Variants in ROBO2 observed in about 807,000 individuals in gnomAD.
ROBO2 encodes the protein roundabout homolog 2.
In ROBO2, 53 loss-of-function variants were observed where a neutral mutation model predicts 160.8. The observed-to-expected ratio is 0.33, with a 90% confidence interval of 0.26 to 0.41. ROBO2 has a LOEUF of 0.41. ROBO2 is among the 10% of genes least tolerant of loss of function. The pLI, the probability that ROBO2 is intolerant of heterozygous loss-of-function variation, is 1.00. For synonymous variants in ROBO2, 664 were observed against 611.7 expected, an observed-to-expected ratio of 1.09 and a Z score of -1.26; for missense variants, 1,577 against 1,722.4, an observed-to-expected ratio of 0.92 and a Z score of 1.49.
chr3:76,797,640 A>AT (rs2063805776), intron 2 of ROBO2, among the ~76,000 whole-genome samples: 1 of 151,884 alleles, frequency 6.6e-6, no homozygotes, highest in Non-Finnish European at 1.5e-5. Context: ...CAAAAAAGTG[A>AT]TTTTTGAAAA....
chr3:77,342,095 G>A (rs145240119), intron 2 of ROBO2, among the ~76,000 whole-genome samples: 7 of 152,136 alleles, frequency 4.6e-5, no homozygotes, highest in Admixed American at 2.0e-4. Context: ...CAAAGAAAAA[G>A]GCAAACATAC....
chr3:77,224,321 A>T (rs879631844), intron 2 of ROBO2, among the ~76,000 whole-genome samples: 6 of 151,938 alleles, frequency 3.9e-5, no homozygotes, highest in African/African-American at 4.8e-5. Context: ...ATGTTTGAGT[A>T]TCAGAGCTGA....
At chr3:75,917,995 C>G (rs1946881042) in intron 1 of ROBO2, among the ~76,000 whole-genome samples, 1 of 152,118 alleles carries the variant, frequency 6.6e-6, no homozygotes, top group Non-Finnish European at 1.5e-5. Context: ...CCTGTTCACT[C>G]TGGTGATAGT....
intron 2 of ROBO2, among the ~76,000 whole-genome samples, chr3:77,380,369 A>G (rs2073278458): frequency 1.3e-5 from 2 of 152,290 alleles, no homozygotes; most frequent in South Asian, 4.2e-4. Context: ...CAAGCCTATT[A>G]TCGTTCCTCT....
intron 9 of ROBO2, among the ~76,000 whole-genome samples, chr3:77,561,825 T>C (rs112599036): frequency 0.022 from 3,406 of 152,180 alleles, 129 homozygotes; most frequent in African/African-American, 0.077. Context: ...TTTTTCTGGC[T>C]GGGCACGGTG....
intron 2 of ROBO2, among the ~76,000 whole-genome samples, chr3:76,692,574 G>T (rs1201478027): frequency 6.6e-6 from 1 of 152,114 alleles, no homozygotes; most frequent in Non-Finnish European, 1.5e-5. Context: ...CTTCTGAGAT[G>T]ATCAATTGAC....
intron 2 of ROBO2, among the ~76,000 whole-genome samples, chr3:76,141,145 CTCTCTCTCTCTCTCTATATATA>C (rs1222658103): frequency 1.7e-5 from 1 of 59,262 alleles, no homozygotes; most frequent in East Asian, 7.5e-4. Flanking sequence ...CTCTCTCTCT[CTCTCTCTCTCTCTCTATATATA>C]TATATATATA....
At position 76,397,211 on chromosome 3, in the gene ROBO2, C is replaced by T. The variant is rs528846369; in HGVS notation, c.109+459609C>T. 4.0e-3 allele frequency among the ~76,000 whole-genome samples: 603 copies of T among 152,222 alleles called. 4 individuals are homozygous for T. Among genetic ancestry groups the T allele is most frequent in the African/African-American group, 0.014 (574 of 41,528 alleles). ...TGATCTTTGACAAATCTGAGGAGAA[C>T]AAGCAATGGGGAAAGGATTCCCTAT... On this transcript the variant is annotated intron_variant, in intron 2 of 26. Transcript: ENST00000487694.
intron 2 of ROBO2, among the ~76,000 whole-genome samples, chr3:76,506,549 C>G (rs991094640): frequency 6.6e-6 from 1 of 152,122 alleles, no homozygotes; most frequent in Admixed American, 6.5e-5. Flanking sequence ...TGAAGGCTTC[C>G]CCAATGCTCC....
At chr3:76,981,696 T>G (rs2149329747) in intron 2 of ROBO2, among the ~76,000 whole-genome samples, 1 of 152,196 alleles carries the variant, frequency 6.6e-6, no homozygotes, top group Non-Finnish European at 1.5e-5. Flanking sequence ...AGAAAAAAGG[T>G]TTAATTGGCT....
At chr3:76,828,111 C>A (rs2066739095) in intron 2 of ROBO2, among the ~76,000 whole-genome samples, 1 of 152,104 alleles carries the variant, frequency 6.6e-6, no homozygotes, top group South Asian at 2.1e-4. Context: ...ATATTTAAGG[C>A]AACACCCTGC....
At chr3:76,550,633 G>A (rs937220367) in intron 2 of ROBO2, among the ~76,000 whole-genome samples, 1 of 152,178 alleles carries the variant, frequency 6.6e-6, no homozygotes, top group East Asian at 1.9e-4. Flanking sequence ...AGGCATCCCT[G>A]CACTCTCAGG....
intron 2 of ROBO2, among the ~76,000 whole-genome samples, chr3:76,817,693 T>C (rs894193352): frequency 2.0e-5 from 3 of 152,078 alleles, no homozygotes; most frequent in Admixed American, 6.6e-5. Flanking sequence ...ATCATTCTTA[T>C]GCCTTTGCAT....
At chr3:76,799,893 A>G (rs1203841186) in intron 2 of ROBO2, among the ~76,000 whole-genome samples, 2 of 152,194 alleles carry the variant, frequency 1.3e-5, no homozygotes, top group Non-Finnish European at 2.9e-5. Context: ...AAAATTAGAT[A>G]AAGGACCCAG....
chr3:77,572,993 C>T (rs1244722062), intron 13 of ROBO2, among the ~76,000 whole-genome samples: 4 of 151,716 alleles, frequency 2.6e-5, no homozygotes, highest in Admixed American at 6.6e-5. Context: ...AATTAATAAC[C>T]GTCTCCATAA....
At chr3:76,256,756 G>A (rs1246159425) in intron 2 of ROBO2, among the ~76,000 whole-genome samples, 1 of 151,854 alleles carries the variant, frequency 6.6e-6, no homozygotes, top group Non-Finnish European at 1.5e-5. Flanking sequence ...CCCGAGACTG[G>A]GTAATTTATA....
At chr3:76,436,580 T>C (rs1293387944) in intron 2 of ROBO2, among the ~76,000 whole-genome samples, 2 of 152,116 alleles carry the variant, frequency 1.3e-5, no homozygotes, top group African/African-American at 4.8e-5. Context: ...GGAAGAGAGA[T>C]TGTCCTGTGA....
rs72891600 is a variant in ROBO2 at position 77,206,562 on chromosome 3, A to G, written c.388+108222A>G. ...TTGATTATGCCTGCAAAGACTCTAT[A>G]CCGAACGTGGTCACATTTATAGGTA... On this transcript the variant is annotated intron_variant, in intron 2 of 25. Coordinates refer to ENST00000461745, the Ensembl canonical transcript of ROBO2. 7.2e-3 allele frequency among the ~76,000 whole-genome samples: 1,101 copies of G among 152,152 alleles called. 13 individuals carry two copies. The highest frequency in any genetic ancestry group is 0.024 in the African/African-American group (1,008 of 41,484).
chr3:76,500,341 A>G (rs751763910), intron 2 of ROBO2, among the ~76,000 whole-genome samples: 15 of 152,060 alleles, frequency 9.9e-5, no homozygotes, highest in Non-Finnish European at 2.2e-4. Context: ...CTGGTCTCCA[A>G]CTCCGGAGCA....
Sources: allele counts gnomAD v4.1 joint callset (sites outside exome capture counted in the v4.1 genomes callset), GRCh38; gene constraint gnomAD v4.1.1; transcripts MANE v1.5; gene names NCBI Gene and HGNC (gene_info 2026-07-23, HGNC 2026-07-21).